Variants in CD33 observed in about 807,000 individuals in gnomAD.
CD33 encodes CD33 molecule, also known as myeloid cell surface antigen CD33.
A neutral mutation model predicts 31.4 loss-of-function variants in CD33; 25 were observed. The observed-to-expected ratio is 0.80, with a 90% CI of 0.58 to 1.11. CD33 has a LOEUF of 1.11. Among genes scored for constraint, CD33 ranks in the 50% most tolerant of loss-of-function variants. CD33 has a pLI of 0.00. For missense variants in CD33, 407 were observed against 448.1 expected, an observed-to-expected ratio of 0.91 and a Z score of 0.83; for synonymous variants, 176 against 180.6, an observed-to-expected ratio of 0.97 and a Z score of 0.20.
At chr19:51,238,956 G>A (rs1981985466) in intron 6 of CD33, 1 of 152,354 alleles carries the variant, frequency 6.6e-6, no homozygotes, top group South Asian at 2.1e-4. Context: ...CACACCATGA[G>A]CTCCACAAGG....
At chr19:51,214,763 T>C in the CD33 span, among the ~76,000 whole-genome samples, 58 of 152,352 alleles carry the variant, frequency 3.8e-4, no homozygotes, top group African/African-American at 1.4e-3. Context: ...TGCTAATATA[T>C]GCTCCCATTT....
chr19:51,222,088 G>A (rs187811586), upstream of CD33, among the ~76,000 whole-genome samples: 3 of 151,704 alleles, frequency 2.0e-5, no homozygotes, highest in Non-Finnish European at 4.4e-5. Context: ...AGTGGTTGTG[G>A]GTATATAATT....
At chr19:51,220,395 C>T (rs764805960), upstream of CD33, among the ~76,000 whole-genome samples, 9 of 152,196 alleles carry the variant, frequency 5.9e-5, no homozygotes, top group East Asian at 5.8e-4. Context: ...CTACAACACT[C>T]CAGAGACTTG....
the CD33 span, chr19:51,211,887 G>A: frequency 7.0e-7 from 1 of 1,438,498 alleles, no homozygotes; most frequent in Non-Finnish European, 9.8e-7. Flanking sequence ...CTGTGAGCAG[G>A]GGACGCCCCC....
At chr19:51,237,283 G>A (rs2123319147) in intron 6 of CD33, 1 of 152,234 alleles carries the variant, frequency 6.6e-6, no homozygotes, top group East Asian at 1.9e-4. Context: ...AATTGCTCTA[G>A]GTCCTTGTGC....
chr19:51,221,853 A>C (rs940808397), upstream of CD33, among the ~76,000 whole-genome samples: 2 of 152,248 alleles, frequency 1.3e-5, no homozygotes, highest in Non-Finnish European at 2.9e-5. Flanking sequence ...TCATACACTC[A>C]ACCACATGAT....
chr19:51,212,124 C>G, the CD33 span: 1 of 566,066 alleles, frequency 1.8e-6, no homozygotes, highest in African/African-American at 1.9e-5. Context: ...GGGGGAGGAC[C>G]AGGAGAGAGG....
At chr19:51,211,483 A>G in the CD33 span, 1 of 1,562,194 alleles carries the variant, frequency 6.4e-7, no homozygotes, top group Non-Finnish European at 8.7e-7. Flanking sequence ...CTCCCTGAGC[A>G]TCGTAGACGC....
At chr19:51,216,223 A>ATGT in the CD33 span, among the ~76,000 whole-genome samples, 5 of 128,406 alleles carry the variant, frequency 3.9e-5, no homozygotes, top group Admixed American at 3.6e-4. Context: ...ATGTCACCCG[A>ATGT]GTGTGTGTGT....
the CD33 span, among the ~76,000 whole-genome samples, chr19:51,220,038 A>G: frequency 8.5e-5 from 13 of 152,204 alleles, no homozygotes. Context: ...TACTGGCTTC[A>G]TAGAATGAGT....
chr19:51,211,268 A>C, the CD33 span: 1 of 1,575,842 alleles, frequency 6.3e-7, no homozygotes, highest in Non-Finnish European at 8.6e-7. Context: ...ACGGTACAGG[A>C]GGGTTTGTGC....
the CD33 span, among the ~76,000 whole-genome samples, chr19:51,213,954 G>T: frequency 6.8e-6 from 1 of 147,056 alleles, no homozygotes; most frequent in South Asian, 2.2e-4. Context: ...CCACCTCCCA[G>T]ATTCAAGCAA....
At chr19:51,219,659 G>C in the CD33 span, among the ~76,000 whole-genome samples, 1 of 152,166 alleles carries the variant, frequency 6.6e-6, no homozygotes, top group Non-Finnish European at 1.5e-5. Context: ...TTGGCTGTGG[G>C]TTTGTCATAG....
the CD33 span, among the ~76,000 whole-genome samples, chr19:51,218,132 A>G: frequency 4.5e-4 from 68 of 152,364 alleles, no homozygotes; most frequent in African/African-American, 1.3e-3. Context: ...GTAATAATTT[A>G]CCTTCCCATG....
At chr19:51,235,104 C>A in intron 4 of CD33, 53 bp from the exon 5 acceptor site, 1 of 1,438,054 alleles carries the variant, frequency 7.0e-7, no homozygotes, top group Non-Finnish European at 9.8e-7. Flanking sequence ...GAGGAGGATA[C>A]ACATACCTGT....
chr19:51,235,881 G>T, intron 6 of CD33: 1 of 708,138 alleles, frequency 1.4e-6, no homozygotes, highest in South Asian at 1.5e-5. Flanking sequence ...TTTCTTGGCC[G>T]GGCACAGTGT....
intron 4 of CD33, among the ~76,000 whole-genome samples, chr19:51,229,163 G>A (rs1399744018): frequency 1.3e-5 from 2 of 152,162 alleles, no homozygotes; most frequent in Non-Finnish European, 2.9e-5. Flanking sequence ...TACGGTTTAT[G>A]TCCTTCATTC....
chr19:51,218,071 G>C, the CD33 span, among the ~76,000 whole-genome samples: 6 of 152,266 alleles, frequency 3.9e-5, no homozygotes, highest in South Asian at 1.0e-3. Flanking sequence ...GGATCAAATG[G>C]TAGTTCTATT....
chr19:51,233,176 C>T (rs1981540511), intron 4 of CD33, among the ~76,000 whole-genome samples: 3 of 152,136 alleles, frequency 2.0e-5, no homozygotes, highest in Non-Finnish European at 4.4e-5. Context: ...CGTCTGGGCA[C>T]CGTAAGGCTG....
Sources: allele counts gnomAD v4.1 joint callset (sites outside exome capture counted in the v4.1 genomes callset), GRCh38; gene constraint gnomAD v4.1.1; transcripts MANE v1.5; gene names NCBI Gene and HGNC (gene_info 2026-07-23, HGNC 2026-07-21).